ATP1A1: variants seen among roughly 807,000 people sequenced by gnomAD.
ATP1A1 encodes the protein sodium/potassium-transporting ATPase subunit alpha-1.
Under a neutral mutation model 114.8 loss-of-function variants are expected in ATP1A1, and 14 were observed. The ratio of observed to expected loss-of-function variants is 0.12; its 90% CI spans 0.08 to 0.19. The LOEUF is 0.19. Ranked by LOEUF, ATP1A1 falls within the 10% of genes least tolerant of loss-of-function variation. The probability of loss-of-function intolerance (pLI) is 1.00; values close to 1 mark genes in which losing one functional copy is unlikely to be tolerated. For missense variants in ATP1A1, 524 were observed against 1,290.7 expected (o/e 0.41, Z 9.10); for synonymous variants, 471 against 466.3 (o/e 1.01, Z -0.13).
Position 116,373,381 on chromosome 1 carries a change from C to A in ATP1A1, c.-131C>A. 1.7e-6 allele frequency: 1 copy of A among 594,482 alleles called. No individual in the cohort carries two copies. The highest frequency in any genetic ancestry group is 2.8e-5 in the South Asian group (1 of 35,310). The allele number at this position is 594,482 out of a possible 1,614,324, so 36.8% of individuals were successfully genotyped here. A position where few individuals can be genotyped will look rare whatever the true frequency, so the allele number is the denominator to read the frequency against. On this transcript the variant is annotated 5_prime_UTR_variant, in exon 1 of 23. Transcript: ENST00000295598. ...GCCGCCGGCCGCCCTCCCACCCTCC[C>A]GCCCCGCGGCAGCCCTAGCTCCCTC...
At chr1:116,373,880 G>A in intron 1 of ATP1A1, 1 of 1,289,308 alleles carries the variant, frequency 7.8e-7, no homozygotes. Context: ...AGCGGGGGCG[G>A]CCCCGGGACT....
Position 116,373,370 on chromosome 1 carries a change from T to TGCCCCCCCCCCC in ATP1A1, c.-142_-141insGCCCCCCCCCCC. On this transcript the variant is annotated 5_prime_UTR_variant, in exon 1 of 23. Coordinates refer to ENST00000295598, the MANE Select transcript of ATP1A1 (RefSeq NM_000701.8). ...CATCGGCCCGAGCCGCCGGCCGCCC[T>TGCCCCCCCCCCC]CCCACCCTCCCGCCCCGCGGCAGCC... The TGCCCCCCCCCCC allele has an allele frequency of 3.0e-6, 1 of 333,834 alleles. No homozygotes were observed. Among genetic ancestry groups the TGCCCCCCCCCCC allele is most frequent in the Non-Finnish European group, 5.2e-6 (1 of 191,792 alleles). 20.7% of individuals were successfully genotyped at this position (333,834 alleles called of 1,614,324 possible). A position where few individuals can be genotyped will look rare whatever the true frequency, so the allele number is the denominator to read the frequency against.
chr1:116,395,268 C>T lies in ATP1A1; in HGVS notation c.1819C>T (p.Arg607Ter). The T allele has an allele frequency of 1.9e-6, 3 of 1,613,998 alleles. No individual in the cohort carries two copies. Among genetic ancestry groups the T allele is most frequent in the Non-Finnish European group, 2.5e-6 (3 of 1,179,932 alleles). The change falls in exon 13 of 23, where the codon CGA becomes TGA. Residue 607 changes from arginine (R) to a stop codon, truncating the protein, a stop_gained. Coordinates refer to ENST00000295598, the MANE Select transcript of ATP1A1 (RefSeq NM_000701.8). LOFTEE classifies it high-confidence loss of function. The surrounding 1 kb of genome is among the most constrained non-coding windows in gnomAD (Gnocchi z 6.4). ...CGTTCCTGATGCCGTGGGCAAATGT[C>T]GAAGTGCTGGAATTAAGGTAGTGCC... ...AAVPDAVGKC[R>*]SAGIKVIMVT... is the part of the protein sequence containing the mutation.
Position 116,396,747 on chromosome 1 carries a change from G to A in ATP1A1, c.1973+13G>A, listed in dbSNP as rs1051938977. 2.6e-6 allele frequency: 4 copies of A among 1,558,982 alleles called. No homozygotes were observed. Among genetic ancestry groups the A allele is most frequent in the Non-Finnish European group, 3.5e-6 (4 of 1,149,720 alleles). On this transcript the variant is annotated intron_variant, in intron 14 of 22. Coordinates refer to ENST00000295598, the MANE Select transcript of ATP1A1 (RefSeq NM_000701.8). ...AGGTGAACCCCAGGTAAGGCAGGAA[G>A]CTCAAATCACAGTCTGCTGTGAACA...
chr1:116,383,335 G>T (rs1651871213), intron 1 of ATP1A1: 2 of 1,069,872 alleles, frequency 1.9e-6, no homozygotes, highest in South Asian at 4.7e-5. Flanking sequence ...GTAAAGGTCA[G>T]TGTTCTTATG....
Position 116,396,834 on chromosome 1 carries a change from C to T in ATP1A1, c.1973+100C>T, listed in dbSNP as rs915795748. 2.2e-6 allele frequency: 3 copies of T among 1,380,334 alleles called. No individual in the cohort carries two copies. In the African/African-American group the frequency reaches 4.4e-5, roughly 20 times the overall value. 85.5% of individuals were successfully genotyped at this position (1,380,334 alleles called of 1,614,324 possible). On this transcript the variant is annotated intron_variant, in intron 14 of 22. Coordinates refer to ENST00000295598, the MANE Select transcript of ATP1A1 (RefSeq NM_000701.8). ...CTATAATGGTTTGCATCTAGGCTTGCTCTGAGTAGGAAATGTACCTGCACT... is the reference window on the plus strand; with the variant it reads ...CTATAATGGTTTGCATCTAGGCTTGTTCTGAGTAGGAAATGTACCTGCACT...
chr1:116,383,305 CTTT>C, intron 1 of ATP1A1: 3 of 1,062,312 alleles, frequency 2.8e-6, no homozygotes, highest in Non-Finnish European at 2.3e-6. Flanking sequence ...CTTAGGCTGA[CTTT>C]TTAATATGGG....
In ATP1A1 at chr1:116,393,104, A is replaced by G. The variant is rs1652605201; in HGVS notation, c.1467+116A>G. 1 of 1,458,688 alleles carries G rather than the reference A, an allele frequency of 6.9e-7. No individual in the cohort carries two copies. Among genetic ancestry groups the G allele is most frequent in the Non-Finnish European group, 9.2e-7 (1 of 1,089,718 alleles). 90.4% of individuals were successfully genotyped at this position (1,458,688 alleles called of 1,614,324 possible). A position where few individuals can be genotyped will look rare whatever the true frequency, so the allele number is the denominator to read the frequency against. On this transcript the variant is annotated intron_variant, in intron 11 of 22. Coordinates refer to ENST00000295598, the MANE Select transcript of ATP1A1 (RefSeq NM_000701.8). This position sits in a 1 kb window ranked among gnomAD's most constrained non-coding sequence, Gnocchi z 5.0. The stretch of plus-strand genomic sequence containing the variant: ...TTGGAGTTTTATAAGCTTTAGCTTT[A>G]AATTTTGCCCTTGATTACCATAGAA...
chr1:116,382,376 G>C (rs1160515424), intron 1 of ATP1A1: 2 of 152,108 alleles, frequency 1.3e-5, no homozygotes, highest in Admixed American at 6.5e-5. Context: ...TTGTCCACTT[G>C]TATGTGTTAC....
Position 116,388,902 on chromosome 1 carries a change from G to A in ATP1A1, c.637G>A (p.Val213Met). ...TTTTTCTTCTTTTCCTCACATATAG[G>A]TGGATAACTCCTCGCTCACTGGTGA... is the stretch of plus-strand genomic sequence containing the variant. The part of the protein sequence containing the change: ...LRIISANGCK[V>M]DNSSLTGESE... Residue 213 changes from valine to methionine, a missense_variant and splice_region_variant, in exon 7 of 23, where the codon GTG becomes ATG. By Grantham distance (21) the Val-to-Met change is conservative. Transcript: ENST00000295598. The surrounding 1 kb of genome is among the most constrained non-coding windows in gnomAD (Gnocchi z 5.6). The A allele has an allele frequency of 6.2e-7, 1 of 1,614,066 alleles. No homozygotes were observed.
In ATP1A1 at chr1:116,398,630, G is replaced by A; in HGVS notation, c.2134G>A (p.Val712Met). ...CCCTTTTCTGGGGTAGGGTGCTATCGTGGCTGTGACTGGTGACGGTGTGAA... is the reference window on the plus strand; with the variant it reads ...CCCTTTTCTGGGGTAGGGTGCTATCATGGCTGTGACTGGTGACGGTGTGAA... ...VEGCQRQGAI[V>M]AVTGDGVNDS... Residue 712 changes from valine to methionine, a missense_variant, in exon 16 of 23, where the codon GTG (valine) becomes ATG (methionine). By Grantham distance (21) the Val-to-Met change is conservative. Transcript: ENST00000295598. The surrounding 1 kb of genome is among the most constrained non-coding windows in gnomAD (Gnocchi z 6.1). 3 of 1,613,980 alleles carry A rather than the reference G, an allele frequency of 1.9e-6. No individual in the cohort carries two copies. Among genetic ancestry groups the A allele is most frequent in the Non-Finnish European group, 2.5e-6 (3 of 1,179,932 alleles).
intron 1 of ATP1A1, chr1:116,374,144 C>T (rs964594182): frequency 6.5e-7 from 1 of 1,548,374 alleles, no homozygotes; most frequent in Middle Eastern, 2.3e-4. Context: ...CGGCCGCCCT[C>T]CCCCAAAGAA....
In ATP1A1 at chr1:116,389,434, T is replaced by A. The variant is rs371630565; in HGVS notation, c.755-5T>A. 1 of 1,613,574 alleles carries A rather than the reference T, an allele frequency of 6.2e-7. No homozygotes were observed. Among genetic ancestry groups the A allele is most frequent in the Admixed American group, 1.7e-5 (1 of 60,024 alleles). On this transcript the variant is annotated splice_polypyrimidine_tract_variant and splice_region_variant and intron_variant, in intron 7 of 22. Coordinates refer to ENST00000295598, the MANE Select transcript of ATP1A1 (RefSeq NM_000701.8). The surrounding 1 kb of genome is among the most constrained non-coding windows in gnomAD (Gnocchi z 6.9). ...GGTACAGTTCTCCCTCCCCTTCTTT[T>A]TAAGGCACCGCACGTGGTATTGTTG...
intron 3 of ATP1A1, among the ~76,000 whole-genome samples, chr1:116,386,549 A>T (rs892683975): frequency 4.0e-5 from 6 of 149,840 alleles, no homozygotes; most frequent in Non-Finnish European, 5.9e-5. Flanking sequence ...AAAATATTTT[A>T]TTTTTTTTTT....
In ATP1A1 at chr1:116,398,510, A is replaced by G. The variant is rs578192129; in HGVS notation, c.2125-111A>G. On this transcript the variant is annotated intron_variant, in intron 15 of 22. Transcript: ENST00000295598. The surrounding 1 kb of genome is among the most constrained non-coding windows in gnomAD (Gnocchi z 6.1). ...TTCTCAGGCTTCATAAATAGTCTCAATAGGAAAGGAGCAGTGTCTGTAATG... is the reference window on the plus strand; with the variant it reads ...TTCTCAGGCTTCATAAATAGTCTCAGTAGGAAAGGAGCAGTGTCTGTAATG... 8.9e-6 allele frequency: 12 copies of G among 1,348,408 alleles called. No homozygotes were observed. In the East Asian group the frequency reaches 1.2e-4, roughly 13 times the overall value. 83.5% of individuals were successfully genotyped at this position (1,348,408 alleles called of 1,614,324 possible). A position where few individuals can be genotyped will look rare whatever the true frequency, so the allele number is the denominator to read the frequency against.
At chr1:116,377,963 G>A (rs1651479295) in intron 1 of ATP1A1, among the ~76,000 whole-genome samples, 1 of 152,194 alleles carries the variant, frequency 6.6e-6, no homozygotes, top group Non-Finnish European at 1.5e-5. Flanking sequence ...TTGGGGGAGG[G>A]ATGTGGAACC....
At chr1:116,378,439 C>T (rs905230977) in intron 1 of ATP1A1, among the ~76,000 whole-genome samples, 6 of 152,174 alleles carry the variant, frequency 3.9e-5, no homozygotes, top group South Asian at 2.1e-4. Flanking sequence ...CATGATAGTT[C>T]GTGCTTTGTC....
In ATP1A1 at chr1:116,401,109, CT is replaced by C; in HGVS notation, c.2719-19del. 1 of 1,614,028 alleles carries C rather than the reference CT, an allele frequency of 6.2e-7. No individual in the cohort carries two copies. The highest frequency in any genetic ancestry group is 1.1e-5 in the South Asian group (1 of 91,086). ...ATGCAGGTGAAGAGCCAGAGCTCAT[CT>C]TCTGTCTTCTGCATTTCAGACCTAT... On this transcript the variant is annotated intron_variant, in intron 19 of 22. Transcript: ENST00000295598. The surrounding 1 kb of genome is among the most constrained non-coding windows in gnomAD (Gnocchi z 4.7).
chr1:116,380,947 C>G (rs1651703001), intron 1 of ATP1A1, among the ~76,000 whole-genome samples: 1 of 151,954 alleles, frequency 6.6e-6, no homozygotes, highest in South Asian at 2.1e-4. Flanking sequence ...AAAACCATAA[C>G]CCAACTTCAT....
Sources: allele counts gnomAD v4.1 joint callset (sites outside exome capture counted in the v4.1 genomes callset), GRCh38; gene constraint gnomAD v4.1.1; non-coding constraint Gnocchi (gnomAD v3.1); transcripts MANE v1.5; gene names NCBI Gene and HGNC (gene_info 2026-07-23, HGNC 2026-07-21).